SCGN: variants seen among roughly 807,000 people sequenced by gnomAD.
SCGN encodes the protein secretagogin, EF-hand calcium binding protein, also known as secretagogin.
Under a neutral mutation model 39.7 loss-of-function variants are expected in SCGN, and 30 were observed. That is an observed-to-expected ratio of 0.76 (90% CI 0.57 to 1.03). The LOEUF is 1.03. Ranked by LOEUF, SCGN falls within the 50% of genes least tolerant of loss-of-function variation. The pLI is 0.00. For missense variants in SCGN, 353 were observed against 349.4 expected (o/e 1.01, Z -0.08); for synonymous variants, 106 against 114.1 (o/e 0.93, Z 0.45).
intron 3 of SCGN, among the ~76,000 whole-genome samples, chr6:25,661,942 CT>C: frequency 6.6e-6 from 1 of 152,276 alleles, no homozygotes; most frequent in South Asian, 2.1e-4. Flanking sequence ...CTTTCAATTA[CT>C]TGATCTACTA....
At chr6:25,689,575 G>T (rs1759750676) in intron 9 of SCGN, 43 bp downstream of exon 9, 1 of 1,549,166 alleles carries the variant, frequency 6.5e-7, no homozygotes, top group Non-Finnish European at 8.9e-7. Flanking sequence ...CTCTGAGTAG[G>T]AAACTTATTT....
intron 3 of SCGN, among the ~76,000 whole-genome samples, chr6:25,663,476 T>C (rs1005780782): frequency 3.9e-5 from 6 of 152,224 alleles, no homozygotes; most frequent in African/African-American, 1.4e-4. Context: ...GACTAATTGA[T>C]ATGTATGAGG....
At chr6:25,677,504 GCAGGAATGAGGAT>G (rs1318763059) in intron 6 of SCGN, among the ~76,000 whole-genome samples, 2 of 152,040 alleles carry the variant, frequency 1.3e-5, no homozygotes, top group Admixed American at 1.3e-4. Context: ...TAATTTCCAG[GCAGGAATGAGGAT>G]CTCCTTTAAA....
chr6:25,674,410 T>A (rs1480427738), intron 6 of SCGN, among the ~76,000 whole-genome samples: 1 of 152,226 alleles, frequency 6.6e-6, no homozygotes, highest in Non-Finnish European at 1.5e-5. Flanking sequence ...TTTAAAAGAC[T>A]TTTTACATTT....
chr6:25,664,503 G>T (rs1760394776), intron 3 of SCGN, among the ~76,000 whole-genome samples: 1 of 152,184 alleles, frequency 6.6e-6, no homozygotes, highest in African/African-American at 2.4e-5. Flanking sequence ...TTGTCATTAG[G>T]ATTAAATGAA....
At chr6:25,674,665 T>G (rs973509926) in intron 6 of SCGN, among the ~76,000 whole-genome samples, 7 of 152,344 alleles carry the variant, frequency 4.6e-5, no homozygotes, top group African/African-American at 9.6e-5. Flanking sequence ...GAATAAGGAT[T>G]GGCACATTTA....
chr6:25,653,306 A>G, intron 1 of SCGN, 76 bp from the exon 2 acceptor site: 1 of 1,063,762 alleles, frequency 9.4e-7, no homozygotes, highest in Non-Finnish European at 1.4e-6. Flanking sequence ...TTGTGAGATT[A>G]AAAACATATT....
At chr6:25,670,249 C>G (rs1218674685) in intron 6 of SCGN, among the ~76,000 whole-genome samples, 173 bp downstream of exon 6, 1 of 152,220 alleles carries the variant, frequency 6.6e-6, no homozygotes, top group Non-Finnish European at 1.5e-5. Context: ...TTTAGCCTCT[C>G]TCTTGTGACC....
chr6:25,690,626 G>A (rs1759763225), intron 9 of SCGN, among the ~76,000 whole-genome samples: 1 of 152,164 alleles, frequency 6.6e-6, no homozygotes, highest in Non-Finnish European at 1.5e-5. Flanking sequence ...TTCATTCAAT[G>A]TAGTCTCCCT....
intron 10 of SCGN, among the ~76,000 whole-genome samples, chr6:25,695,942 A>C (rs970733151): frequency 3.3e-5 from 5 of 152,234 alleles, no homozygotes; most frequent in African/African-American, 1.2e-4. Context: ...ATCTCCCAAG[A>C]GAAGGTAGAA....
chr6:25,692,156 C>G (rs1191064186), intron 10 of SCGN, among the ~76,000 whole-genome samples: 1 of 152,180 alleles, frequency 6.6e-6, no homozygotes, highest in Non-Finnish European at 1.5e-5. Context: ...GCCAGAATAA[C>G]TGATGAGTAT....
At chr6:25,666,957 AT>A (rs1487575614) in intron 4 of SCGN, among the ~76,000 whole-genome samples, 2 of 152,214 alleles carry the variant, frequency 1.3e-5, no homozygotes, top group Non-Finnish European at 2.9e-5. Flanking sequence ...AACATTTTTA[AT>A]AAAAATAACA....
chr6:25,665,103 G>A lies in SCGN; in HGVS notation c.336+71G>A, dbSNP rs1760404101. 3 of 1,187,746 alleles carry A rather than the reference G, an allele frequency of 2.5e-6. No individual in the cohort carries two copies. In the East Asian group the frequency reaches 7.0e-5, roughly 28 times the overall value. 73.6% of individuals were successfully genotyped at this position (1,187,746 alleles called of 1,614,324 possible). The stretch of plus-strand genomic sequence containing the variant: ...GGCTACGATCTTAGCCACCTGCTGT[G>A]GCTGCCACCACTCCTGCCCAGTGCT... On this transcript the variant is annotated intron_variant, in intron 4 of 10. Coordinates refer to ENST00000377961, the MANE Select transcript of SCGN (RefSeq NM_006998.4).
chr6:25,698,172 C>A (rs541031813), intron 10 of SCGN, among the ~76,000 whole-genome samples: 85 of 152,296 alleles, frequency 5.6e-4, no homozygotes, highest in Middle Eastern at 3.4e-3. Flanking sequence ...TCTCCTGACT[C>A]ATATTGAGTT....
chr6:25,655,775 T>C (rs919050261), intron 2 of SCGN, among the ~76,000 whole-genome samples: 15 of 152,284 alleles, frequency 9.9e-5, no homozygotes, highest in African/African-American at 3.6e-4. Flanking sequence ...AGTTAGCATG[T>C]TTTTTTACCC....
intron 7 of SCGN, among the ~76,000 whole-genome samples, chr6:25,685,727 A>T (rs904406947): frequency 1.3e-5 from 2 of 152,198 alleles, no homozygotes; most frequent in Non-Finnish European, 2.9e-5. Flanking sequence ...TTATTTTAAA[A>T]TTGAGACATA....
At chr6:25,667,127 A>G (rs1434029323) in intron 4 of SCGN, among the ~76,000 whole-genome samples, 1 of 152,144 alleles carries the variant, frequency 6.6e-6, no homozygotes, top group African/African-American at 2.4e-5. Flanking sequence ...GTATTTCATT[A>G]ATTTTGTACA....
chr6:25,689,778 A>C (rs1759753073), intron 9 of SCGN, among the ~76,000 whole-genome samples: 1 of 152,164 alleles, frequency 6.6e-6, no homozygotes, highest in African/African-American at 2.4e-5. Flanking sequence ...CTTGGGCCTA[A>C]ACTATAAGTT....
chr6:25,661,148 G>A (rs1760328903), intron 2 of SCGN, among the ~76,000 whole-genome samples: 1 of 152,148 alleles, frequency 6.6e-6, no homozygotes, highest in Non-Finnish European at 1.5e-5. Flanking sequence ...ACACCTGGGG[G>A]CCCAGAAGAA....
Sources: gnomAD v4.1 joint callset for allele counts (sites outside exome capture counted in the v4.1 genomes callset) on GRCh38, gnomAD v4.1.1 for gene constraint, MANE v1.5 for transcripts, NCBI Gene and HGNC (gene_info 2026-07-23, HGNC 2026-07-21) for gene names.